PHACTR1: variants seen among roughly 807,000 people sequenced by gnomAD.
PHACTR1 encodes RPEL repeat containing 1.
A neutral mutation model predicts 69.2 loss-of-function variants in PHACTR1; 16 were observed. The observed-to-expected ratio is 0.23, with a 90% confidence interval of 0.16 to 0.35. The LOEUF is 0.35. Among genes scored for constraint, PHACTR1 ranks in the 10% least tolerant of loss-of-function variants. PHACTR1 has a pLI of 1.00. For missense variants in PHACTR1, 510 were observed against 734.7 expected (o/e 0.69, Z 3.54); for synonymous variants, 312 against 284.5 (o/e 1.10, Z -0.97).
intron 4 of PHACTR1, among the ~76,000 whole-genome samples, chr6:12,797,548 A>G (rs1241750471): frequency 1.3e-5 from 2 of 152,196 alleles, no homozygotes; most frequent in African/African-American, 2.4e-5. Flanking sequence ...GAAATAAACA[A>G]TAATGCAGGA....
intron 4 of PHACTR1, among the ~76,000 whole-genome samples, chr6:12,940,498 T>G (rs1789948798): frequency 6.6e-6 from 1 of 152,188 alleles, no homozygotes; most frequent in Non-Finnish European, 1.5e-5. Flanking sequence ...AAAATTGCTT[T>G]ATGATGTTTG....
At chr6:12,843,406 T>G (rs1345188225) in intron 4 of PHACTR1, among the ~76,000 whole-genome samples, 1 of 152,008 alleles carries the variant, frequency 6.6e-6, no homozygotes, top group Non-Finnish European at 1.5e-5. Context: ...GCTTGAAGGC[T>G]GGGGGTGGCA....
At chr6:13,034,680 T>C (rs1238439685) in intron 4 of PHACTR1, among the ~76,000 whole-genome samples, 2 of 152,228 alleles carry the variant, frequency 1.3e-5, no homozygotes, top group Non-Finnish European at 2.9e-5. Context: ...TTTCTGACTA[T>C]GGCTTCTATA....
intron 4 of PHACTR1, among the ~76,000 whole-genome samples, chr6:13,015,748 G>A (rs909324059): frequency 1.3e-5 from 2 of 152,192 alleles, no homozygotes; most frequent in Admixed American, 6.5e-5. Flanking sequence ...CCCCGTCAAT[G>A]GAGACAGGTA....
intron 10 of PHACTR1, chr6:13,272,518 G>T (rs913473552): frequency 2.4e-6 from 1 of 424,378 alleles, no homozygotes; most frequent in Non-Finnish European, 4.2e-6. Flanking sequence ...CAGTCCCCAA[G>T]TTAGGAGGCC....
intron 4 of PHACTR1, among the ~76,000 whole-genome samples, chr6:13,002,998 G>A (rs1451917200): frequency 6.6e-6 from 1 of 152,158 alleles, no homozygotes; most frequent in Non-Finnish European, 1.5e-5. Context: ...TAGTTAAGTG[G>A]AAATGATAGG....
rs150270474 is a variant in PHACTR1 at position 13,132,939 on chromosome 6, G to A, written c.416-27265G>A. 3.3e-3 allele frequency among the ~76,000 whole-genome samples: 507 copies of A among 152,214 alleles called. 6 individuals are homozygous for A. The highest frequency in any genetic ancestry group is 0.011 in the African/African-American group (476 of 41,530). On this transcript the variant is annotated intron_variant, in intron 5 of 14. Transcript: ENST00000332995. ...TTCATGAACGATTTTTTGGCACTAT[G>A]TGATGCTGTTTGATAGCATTTTACC... is the stretch of plus-strand genomic sequence containing the variant.
At chr6:13,259,519 T>G (rs1026532042) in intron 10 of PHACTR1, among the ~76,000 whole-genome samples, 9 of 152,212 alleles carry the variant, frequency 5.9e-5, no homozygotes, top group African/African-American at 1.9e-4. Flanking sequence ...GTTTATCTAT[T>G]TCAGGTAAGG....
At chr6:13,203,380 A>G (rs1765486528) in intron 7 of PHACTR1, among the ~76,000 whole-genome samples, 1 of 152,212 alleles carries the variant, frequency 6.6e-6, no homozygotes, top group South Asian at 2.1e-4. Context: ...CATCATCTGT[A>G]AACATGAGAT....
At chr6:13,200,106 G>C (rs941944226) in intron 7 of PHACTR1, among the ~76,000 whole-genome samples, 4 of 152,216 alleles carry the variant, frequency 2.6e-5, no homozygotes, top group African/African-American at 9.7e-5. Flanking sequence ...GATGCATCCT[G>C]GCCTTGAGTG....
At position 13,068,849 on chromosome 6, in the gene PHACTR1, G is replaced by C. The variant is rs193149626; in HGVS notation, c.415+15320G>C. Among the ~76,000 whole-genome samples, 478 of 152,258 alleles carry C rather than the reference G, an allele frequency of 3.1e-3. 4 individuals are homozygous for C. The highest frequency in any genetic ancestry group is 6.8e-3 in the Middle Eastern group (2 of 294). Reference sequence around the variant, plus strand: ...GAGCACAGTATCCTTTCGAAAAGCAGAAATTGGTGGCAAGTCAGAAGGCTC... The same window carrying C: ...GAGCACAGTATCCTTTCGAAAAGCACAAATTGGTGGCAAGTCAGAAGGCTC... On this transcript the variant is annotated intron_variant, in intron 5 of 14. Coordinates refer to ENST00000332995, the MANE Select transcript of PHACTR1 (RefSeq NM_030948.6).
intron 4 of PHACTR1, among the ~76,000 whole-genome samples, chr6:12,939,608 G>T (rs1482152026): frequency 6.6e-6 from 1 of 152,164 alleles, no homozygotes; most frequent in African/African-American, 2.4e-5. Flanking sequence ...GTATATTCAT[G>T]ACATTCACAC....
chr6:13,110,768 G>A (rs1182064339), intron 5 of PHACTR1, among the ~76,000 whole-genome samples: 1 of 152,168 alleles, frequency 6.6e-6, no homozygotes, highest in Non-Finnish European at 1.5e-5. Context: ...TGCTCTGCGT[G>A]TCTGAACTAT....
intron 3 of PHACTR1, among the ~76,000 whole-genome samples, chr6:12,725,410 C>T (rs1038701548): frequency 6.6e-6 from 1 of 152,222 alleles, no homozygotes; most frequent in Non-Finnish European, 1.5e-5. Context: ...GCCCCATTGT[C>T]ACCTCCCCTG....
intron 4 of PHACTR1, among the ~76,000 whole-genome samples, chr6:12,902,922 A>G (rs1785352215): frequency 6.6e-6 from 1 of 152,194 alleles, no homozygotes; most frequent in Admixed American, 6.5e-5. Flanking sequence ...TACTTAGGGC[A>G]ATGACACCAT....
At chr6:12,789,850 T>C (rs745405809) in intron 4 of PHACTR1, among the ~76,000 whole-genome samples, 10 of 152,034 alleles carry the variant, frequency 6.6e-5, no homozygotes, top group African/African-American at 2.4e-4. Flanking sequence ...TATGTATACA[T>C]GTGCCATGCT....
intron 4 of PHACTR1, among the ~76,000 whole-genome samples, chr6:12,890,315 C>G (rs770362585): frequency 1.3e-5 from 2 of 152,086 alleles, no homozygotes; most frequent in African/African-American, 4.8e-5. Context: ...GGTTGGGGCT[C>G]GCTGTGCTAA....
At chr6:13,212,565 TC>T (rs1411742697) in intron 8 of PHACTR1, among the ~76,000 whole-genome samples, 1 of 152,202 alleles carries the variant, frequency 6.6e-6, no homozygotes, top group Non-Finnish European at 1.5e-5. Context: ...TGTCTCCTCA[TC>T]TGCTATGGTT....
intron 5 of PHACTR1, among the ~76,000 whole-genome samples, chr6:13,068,491 G>T (rs1172283452): frequency 6.6e-6 from 1 of 152,124 alleles, no homozygotes; most frequent in Non-Finnish European, 1.5e-5. Flanking sequence ...GTAAGGAAAG[G>T]TTTATTTCCT....
Sources: allele counts gnomAD v4.1 joint callset (sites outside exome capture counted in the v4.1 genomes callset), GRCh38; gene constraint gnomAD v4.1.1; transcripts MANE v1.5; gene names NCBI Gene and HGNC (gene_info 2026-07-23, HGNC 2026-07-21).